The following CNBD1 variants were observed in gnomAD, a reference collection of about 807,000 sequenced individuals.
The protein encoded by CNBD1 is cyclic nucleotide binding domain containing 1.
CNBD1 carries 71 observed loss-of-function variants against 54.4 expected under a neutral mutation model. That is an observed-to-expected ratio of 1.30 (90% CI 1.08 to 1.59). The LOEUF is 1.59. Among genes scored for constraint, CNBD1 ranks in the 40% most tolerant of loss-of-function variants. The pLI, the probability that CNBD1 is intolerant of heterozygous loss-of-function variation, is 0.00. For synonymous variants in CNBD1, 182 were observed against 170.7 expected, an observed-to-expected ratio of 1.07 and a Z score of -0.51; for missense variants, 659 against 518.0, an observed-to-expected ratio of 1.27 and a Z score of -2.64.
chr8:87,251,682 C>T (rs1020332505), intron 6 of CNBD1, among the ~76,000 whole-genome samples: 1 of 151,402 alleles, frequency 6.6e-6, no homozygotes, highest in African/African-American at 2.4e-5. Context: ...GCTATGGTAC[C>T]ATTCAGAGTC....
chr8:86,915,286 T>C (rs1049309303), intron 3 of CNBD1, among the ~76,000 whole-genome samples: 3 of 152,096 alleles, frequency 2.0e-5, no homozygotes, highest in Non-Finnish European at 4.4e-5. Context: ...TGAAAAGACA[T>C]ATCAAAAGGC....
At chr8:87,378,457 T>C (rs1423427061) in intron 10 of CNBD1, among the ~76,000 whole-genome samples, 2 of 151,154 alleles carry the variant, frequency 1.3e-5, no homozygotes, top group East Asian at 3.9e-4. Context: ...AAAGATCAGA[T>C]AGTTGTAGAT....
intron 4 of CNBD1, among the ~76,000 whole-genome samples, chr8:87,121,521 G>A (rs1375773287): frequency 6.6e-6 from 1 of 151,360 alleles, no homozygotes; most frequent in Non-Finnish European, 1.5e-5. Flanking sequence ...TTTTTTATGG[G>A]GAAATTAAAC....
chr8:87,357,470 AT>A (rs1810442338), intron 10 of CNBD1, among the ~76,000 whole-genome samples: 1 of 152,146 alleles, frequency 6.6e-6, no homozygotes, highest in Admixed American at 6.6e-5. Context: ...AACAGAGACG[AT>A]TTTGGAGCTT....
At chr8:87,090,532 C>G (rs552283618) in intron 4 of CNBD1, among the ~76,000 whole-genome samples, 29 of 152,266 alleles carry the variant, frequency 1.9e-4, no homozygotes, top group African/African-American at 7.0e-4. Context: ...GTGTCTACAA[C>G]AGCATTCTTA....
At chr8:87,190,485 T>C (rs1239278575) in intron 4 of CNBD1, among the ~76,000 whole-genome samples, 1 of 152,170 alleles carries the variant, frequency 6.6e-6, no homozygotes, top group South Asian at 2.1e-4. Flanking sequence ...TTCCATATTC[T>C]TTTTTGTCCA....
chr8:87,025,933 A>C (rs1159667398), intron 4 of CNBD1, among the ~76,000 whole-genome samples: 1 of 152,206 alleles, frequency 6.6e-6, no homozygotes, highest in East Asian at 1.9e-4. Context: ...AAAGGGAAAT[A>C]GTTCAACTCT....
chr8:87,318,999 G>T (rs556232473), intron 8 of CNBD1, among the ~76,000 whole-genome samples: 1 of 152,080 alleles, frequency 6.6e-6, no homozygotes, highest in African/African-American at 2.4e-5. Context: ...AAATTTTTAA[G>T]CAACAAAAAG....
At chr8:86,948,591 A>G (rs1272725736) in intron 4 of CNBD1, among the ~76,000 whole-genome samples, 1 of 152,062 alleles carries the variant, frequency 6.6e-6, no homozygotes, top group Non-Finnish European at 1.5e-5. Context: ...TCTTTTGCCC[A>G]ATTTTAAATC....
chr8:87,047,152 G>A lies in CNBD1; in HGVS notation c.431+107398G>A, dbSNP rs1031150613. ...AATGTTGCAGTATTTGAGATTTCCC[G>A]GGTATGGCACTTTTCCTCTGCTTTC... On this transcript the variant is annotated intron_variant, in intron 4 of 10. Coordinates refer to ENST00000518476, the MANE Select transcript of CNBD1 (RefSeq NM_173538.3). Among the ~76,000 whole-genome samples the A allele has an allele frequency of 5.3e-5, 8 of 152,156 alleles. No individual in the cohort carries two copies. The East Asian group carries it at 5.8e-4, about 11-fold the overall frequency.
intron 4 of CNBD1, among the ~76,000 whole-genome samples, chr8:87,040,767 G>C (rs1037279277): frequency 6.6e-6 from 1 of 150,398 alleles, no homozygotes; most frequent in Non-Finnish European, 1.5e-5. Context: ...TTTATTTTGT[G>C]TGTTTTTTAA....
chr8:87,344,019 A>T (rs1810119844), intron 8 of CNBD1, among the ~76,000 whole-genome samples: 1 of 152,132 alleles, frequency 6.6e-6, no homozygotes, highest in Non-Finnish European at 1.5e-5. Flanking sequence ...TGAGCACTAG[A>T]TAGTCAATAT....
chr8:87,065,719 C>T (rs771543423), intron 4 of CNBD1, among the ~76,000 whole-genome samples: 8 of 151,854 alleles, frequency 5.3e-5, no homozygotes, highest in Non-Finnish European at 1.0e-4. Flanking sequence ...CCCTCTAATG[C>T]CTTTATGTAA....
intron 4 of CNBD1, among the ~76,000 whole-genome samples, chr8:87,123,045 C>T (rs1226369164): frequency 6.6e-6 from 1 of 151,724 alleles, no homozygotes; most frequent in Non-Finnish European, 1.5e-5. Flanking sequence ...TGATTCCATA[C>T]AAACTTTAGG....
intron 10 of CNBD1, among the ~76,000 whole-genome samples, chr8:87,374,154 G>A (rs1014627036): frequency 1.3e-5 from 2 of 151,708 alleles, no homozygotes; most frequent in African/African-American, 2.4e-5. Context: ...CCATCAACAT[G>A]TATATGACAG....
intron 8 of CNBD1, among the ~76,000 whole-genome samples, chr8:87,318,312 T>C (rs2130896835): frequency 6.6e-6 from 1 of 152,190 alleles, no homozygotes; most frequent in South Asian, 2.1e-4. Context: ...GGATTAAATA[T>C]GTATAAGTTT....
intron 6 of CNBD1, among the ~76,000 whole-genome samples, chr8:87,268,017 C>T (rs780018999): frequency 6.6e-6 from 1 of 151,936 alleles, no homozygotes; most frequent in Non-Finnish European, 1.5e-5. Context: ...AGGCAAATTG[C>T]GTGTTGCTGA....
At chr8:87,232,367 T>C (rs1807462620) in intron 5 of CNBD1, among the ~76,000 whole-genome samples, 3 of 152,296 alleles carry the variant, frequency 2.0e-5, no homozygotes, top group Admixed American at 2.0e-4. Flanking sequence ...TACAGAGTAA[T>C]TGTATAATTT....
intron 4 of CNBD1, among the ~76,000 whole-genome samples, chr8:87,001,947 T>C (rs866169132): frequency 1.3e-5 from 2 of 152,194 alleles, no homozygotes; most frequent in African/African-American, 4.8e-5. Context: ...TTGTTCTCAG[T>C]AGTGTTTTCA....
Sources: allele counts gnomAD v4.1 joint callset (sites outside exome capture counted in the v4.1 genomes callset), GRCh38; gene constraint gnomAD v4.1.1; transcripts MANE v1.5; gene names NCBI Gene and HGNC (gene_info 2026-07-23, HGNC 2026-07-21).